Variants in MMUT observed in about 807,000 individuals in gnomAD.
MMUT encodes methylmalonyl-CoA mutase.
MMUT carries 79 observed loss-of-function variants against 79.9 expected under a neutral mutation model. That is an observed-to-expected ratio of 0.99 (90% confidence interval 0.82 to 1.19). The LOEUF is 1.19. Among genes scored for constraint, MMUT ranks in the 50% most tolerant of loss-of-function variants. MMUT has a pLI of 0.00. For synonymous variants in MMUT, 273 were observed against 295.7 expected, an observed-to-expected ratio of 0.92 and a Z score of 0.79; for missense variants, 860 against 917.2, an observed-to-expected ratio of 0.94 and a Z score of 0.81.
intron 8 of MMUT, among the ~76,000 whole-genome samples, chr6:49,445,962 A>C (rs1767401916): frequency 6.6e-6 from 1 of 152,058 alleles, no homozygotes; most frequent in African/African-American, 2.4e-5. Context: ...GTGATTTGGC[A>C]CAAGGTAGTA....
chr6:49,458,956 G>T, intron 2 of MMUT, 126 bp downstream of exon 2: 3 of 951,906 alleles, frequency 3.2e-6, no homozygotes, highest in Non-Finnish European at 3.0e-6. Context: ...ACTTTTTTCA[G>T]AGTATAGTCT....
At chr6:49,443,545 C>T (rs139867892) in intron 9 of MMUT, among the ~76,000 whole-genome samples, 399 of 152,180 alleles carry the variant, frequency 2.6e-3, no homozygotes, top group Non-Finnish European at 4.7e-3. Flanking sequence ...CAACACCCCA[C>T]TATACAGGAT....
Position 49,447,790 on chromosome 6 carries a change from T to C in MMUT, c.1445-5A>G, listed in dbSNP as rs1287797072. 2.6e-6 allele frequency: 4 copies of C among 1,550,178 alleles called. No individual in the cohort carries two copies. In the Admixed American group the frequency reaches 6.7e-5, roughly 26 times the overall value. On this transcript the variant is annotated splice_region_variant and splice_polypyrimidine_tract_variant and intron_variant, in intron 7 of 12. Transcript: ENST00000274813. ...CTCCAACAATTACTTCAGAACCTGGTAATTTCCCAAAGAAAAATTTTATTC... is the reference window on the plus strand; with the variant it reads ...CTCCAACAATTACTTCAGAACCTGGCAATTTCCCAAAGAAAAATTTTATTC...
chr6:49,448,215 A>T (rs1454565002), intron 7 of MMUT, among the ~76,000 whole-genome samples: 3 of 152,114 alleles, frequency 2.0e-5, no homozygotes, highest in African/African-American at 7.2e-5. Context: ...TTACAAAGAT[A>T]CTTCCTTACA....
chr6:49,436,302 T>C (rs1767124394), intron 11 of MMUT, among the ~76,000 whole-genome samples: 1 of 152,048 alleles, frequency 6.6e-6, no homozygotes, highest in African/African-American at 2.4e-5. Flanking sequence ...CAGAAATCTT[T>C]CTATTATAAA....
rs1017373794 is a variant in MMUT, at chr6:49,435,373, C to T, written c.2124+83G>A. ...AGGAAATAATATGTTCCTAAATCTA[C>T]AAGTTTATCTTTAGAACCACAAATA... On this transcript the variant is annotated intron_variant, in intron 12 of 12. Transcript: ENST00000274813. 5.2e-6 allele frequency: 7 copies of T among 1,346,350 alleles called. No individual in the cohort carries two copies. The Admixed American group carries it at 7.0e-5, about 13-fold the overall frequency. The allele number at this position is 1,346,350 out of a possible 1,614,324, so 83.4% of individuals were successfully genotyped here. A position where few individuals can be genotyped will look rare whatever the true frequency, so the allele number is the denominator to read the frequency against.
intron 2 of MMUT, 49 bp from the exon 3 acceptor site, chr6:49,458,107 G>A: frequency 6.4e-7 from 1 of 1,568,128 alleles, no homozygotes; most frequent in Non-Finnish European, 8.7e-7. Flanking sequence ...CTGGAATCAA[G>A]GTAAAATGAT....
At chr6:49,443,451 C>T (rs546851169) in intron 9 of MMUT, among the ~76,000 whole-genome samples, 2 of 152,054 alleles carry the variant, frequency 1.3e-5, no homozygotes, top group South Asian at 4.2e-4. Context: ...AGGAACTAGC[C>T]CAAAACCTGC....
At chr6:49,451,431 T>A (rs779960361) in intron 6 of MMUT, 35 bp downstream of exon 6, 1 of 1,608,248 alleles carries the variant, frequency 6.2e-7, no homozygotes, top group Non-Finnish European at 8.5e-7. Flanking sequence ...AATCTGTAAA[T>A]TCTGAAAACA....
chr6:49,453,534 A>C (rs1295835330), intron 5 of MMUT, 51 bp downstream of exon 5: 21 of 979,136 alleles, frequency 2.1e-5, no homozygotes, highest in Non-Finnish European at 2.8e-5. Context: ...CTCAGAAAAA[A>C]TATATATATA....
chr6:49,447,734 G>A lies in MMUT; in HGVS notation c.1496C>T (p.Ala499Val). Residue 499 changes from alanine (A) to valine (V), a missense_variant, in exon 8 of 13, where the codon GCT (alanine) becomes GTT (valine). Physicochemically the swap from Ala to Val is moderately conservative, Grantham distance 64 (BLOSUM62 0). Coordinates refer to ENST00000274813, the MANE Select transcript of MMUT (RefSeq NM_000255.4). ...ATTATCAATTGCCAGAACTTCTACA[G>A]CGTCTTCTTTTTCCAACTGGTACTT... ...VNKYQLEKED[A>V]VEVLAIDNTS... 1 of 1,611,758 alleles carries A rather than the reference G, an allele frequency of 6.2e-7. No individual in the cohort carries two copies.
At chr6:49,442,011 T>TAA in intron 9 of MMUT, 40 bp from the exon 10 acceptor site, 1 of 1,571,284 alleles carries the variant, frequency 6.4e-7, no homozygotes, top group Non-Finnish European at 8.7e-7. Flanking sequence ...TTCATTATTT[T>TAA]GTGATAAAGA....
rs759351751 is a variant in MMUT, at chr6:49,459,233, A to G, written c.234T>C (p.Thr78=). 1 of 1,614,172 alleles carries G rather than the reference A, an allele frequency of 6.2e-7. No individual in the cohort carries two copies. Among genetic ancestry groups the G allele is most frequent in the African/African-American group, 1.3e-5 (1 of 75,044 alleles). Residue 78 remains threonine, a synonymous_variant, in exon 2 of 13, where the codon ACT becomes ACC. Coordinates refer to ENST00000274813, the MANE Select transcript of MMUT (RefSeq NM_000255.4). ...SIKPLYSKRD[T]MDLPEELPGV... Reference sequence around the variant, plus strand: ...CTGGAAGTTCTTCAGGTAAGTCCATAGTATCTCTCTTGGAATACAAGGGTT... The same window carrying G: ...CTGGAAGTTCTTCAGGTAAGTCCATGGTATCTCTCTTGGAATACAAGGGTT...
intron 4 of MMUT, among the ~76,000 whole-genome samples, chr6:49,454,644 T>G (rs1244297374): frequency 2.6e-5 from 4 of 152,214 alleles, no homozygotes; most frequent in African/African-American, 9.6e-5. Flanking sequence ...TTTCAAATAT[T>G]TTGATCTCAG....
chr6:49,445,707 A>C (rs889287638), intron 8 of MMUT, among the ~76,000 whole-genome samples: 1 of 152,114 alleles, frequency 6.6e-6, no homozygotes, highest in Non-Finnish European at 1.5e-5. Context: ...ACAAGAAAAA[A>C]GTCTGTACAT....
At chr6:49,456,055 C>G in intron 4 of MMUT, 25 bp downstream of exon 4, 1 of 1,591,708 alleles carries the variant, frequency 6.3e-7, no homozygotes, top group South Asian at 1.1e-5. Context: ...AATGTTGAAA[C>G]AATATCTAGG....
intron 6 of MMUT, 89 bp downstream of exon 6, chr6:49,451,377 T>C: frequency 1.4e-6 from 2 of 1,404,524 alleles, no homozygotes; most frequent in Non-Finnish European, 1.9e-6. Flanking sequence ...ATTTAAAATC[T>C]ATAAATCTTG....
intron 4 of MMUT, 124 bp downstream of exon 4, chr6:49,455,956 G>C: frequency 1.1e-6 from 1 of 895,624 alleles, no homozygotes; most frequent in Non-Finnish European, 1.7e-6. Context: ...TTATCACTCA[G>C]ATAAAATATA....
intron 1 of MMUT, among the ~76,000 whole-genome samples, chr6:49,460,236 A>C (rs933733367): frequency 6.6e-6 from 1 of 152,188 alleles, no homozygotes; most frequent in African/African-American, 2.4e-5. Flanking sequence ...AGAGAGTAGC[A>C]ATTTTAATCT....
Sources: gnomAD v4.1 joint callset for allele counts (sites outside exome capture counted in the v4.1 genomes callset) on GRCh38, gnomAD v4.1.1 for gene constraint, MANE v1.5 for transcripts, NCBI Gene and HGNC (gene_info 2026-07-23, HGNC 2026-07-21) for gene names.